Variants in COL27A1 observed in about 807,000 individuals in gnomAD.
COL27A1 encodes the protein collagen type XXVII alpha 1 chain.
In COL27A1, 106 loss-of-function variants were observed where a neutral mutation model predicts 251.3. That is an observed-to-expected ratio of 0.42 (90% CI 0.36 to 0.50). The LOEUF (loss-of-function observed/expected upper bound fraction) is 0.50. COL27A1 is among the 20% of genes least tolerant of loss of function. The pLI, the probability that COL27A1 is intolerant of heterozygous loss-of-function variation, is 0.00. For missense variants in COL27A1, 2,325 were observed against 2,522.8 expected, an observed-to-expected ratio of 0.92 and a Z score of 1.68; for synonymous variants, 1,000 against 986.3, an observed-to-expected ratio of 1.01 and a Z score of -0.26.
chr9:114,206,194 A>G, intron 9 of COL27A1, 58 bp from the exon 10 acceptor site: 5 of 1,560,740 alleles, frequency 3.2e-6, no homozygotes, highest in Non-Finnish European at 4.4e-6. Flanking sequence ...TTGCCCCAGG[A>G]TTGGCAGCAG....
chr9:114,203,807 G>C (rs1448297869), intron 7 of COL27A1, among the ~76,000 whole-genome samples: 1 of 152,166 alleles, frequency 6.6e-6, no homozygotes, highest in Admixed American at 6.5e-5. Flanking sequence ...GTCTGGAGAT[G>C]TTTGCAAGAT....
intron 24 of COL27A1, 130 bp from the exon 25 acceptor site, chr9:114,250,484 CA>C: frequency 1.3e-6 from 1 of 779,208 alleles, no homozygotes; most frequent in Non-Finnish European, 2.2e-6. Context: ...CTCCCCGGCA[CA>C]ACCCCATGCT....
At chr9:114,304,768 G>A in intron 57 of COL27A1, 95 bp downstream of exon 57, 14 of 1,053,688 alleles carry the variant, frequency 1.3e-5, no homozygotes, top group Non-Finnish European at 1.9e-5. Context: ...CATGTGGCCT[G>A]CATGGAGCAT....
In COL27A1 at chr9:114,168,029, C is replaced by A. The variant is rs754848059; in HGVS notation, c.474C>A (p.His158Gln). Residue 158 changes from histidine (H) to glutamine (Q), a missense_variant, in exon 3 of 61, where the codon CAC becomes CAA. Coordinates refer to ENST00000356083, the MANE Select transcript of COL27A1 (RefSeq NM_032888.4). Reference protein sequence around the residue: ...DLDMHDGRWHHLALELRGRTV... With the variant: ...DLDMHDGRWHQLALELRGRTV... ...ACATGCACGACGGGCGCTGGCACCA[C>A]CTGGCCCTCGAGCTCCGAGGCCGCA... The A allele has an allele frequency of 4.4e-6, 7 of 1,605,392 alleles. No individual in the cohort carries two copies. Among genetic ancestry groups the A allele is most frequent in the Non-Finnish European group, 5.1e-6 (6 of 1,179,732 alleles).
chr9:114,298,156 A>G (rs1828380974), intron 49 of COL27A1, among the ~76,000 whole-genome samples: 1 of 151,478 alleles, frequency 6.6e-6, no homozygotes, highest in African/African-American at 2.4e-5. Context: ...AAAAAGTACA[A>G]GATATGTTCA....
chr9:114,259,784 T>C (rs1034439415), intron 28 of COL27A1, among the ~76,000 whole-genome samples: 1 of 151,908 alleles, frequency 6.6e-6, no homozygotes, highest in Non-Finnish European at 1.5e-5. Context: ...AAAGAGAAAG[T>C]GAGATGGTGC....
At chr9:114,252,560 C>T (rs763008693) in intron 25 of COL27A1, 33 bp from the exon 26 acceptor site, 18 of 1,605,674 alleles carry the variant, frequency 1.1e-5, no homozygotes, top group East Asian at 2.2e-5. Flanking sequence ...CAGCCATAGC[C>T]GTGACCTGCC....
chr9:114,288,125 G>A lies in COL27A1; in HGVS notation c.3988-330G>A, dbSNP rs145875344. On this transcript the variant is annotated intron_variant, in intron 41 of 60. Transcript: ENST00000356083. The stretch of plus-strand genomic sequence containing the variant: ...ATTCCCCAGCAGAGGAGAGAGCTCC[G>A]AGACAGGAAGGGAAGTGTTGCAGGC... Among the ~76,000 whole-genome samples, 16 of 152,262 alleles carry A rather than the reference G, an allele frequency of 1.1e-4. No homozygotes were observed. In the East Asian group the frequency reaches 1.9e-3, roughly 18 times the overall value.
intron 59 of COL27A1, 90 bp from the exon 60 acceptor site, chr9:114,309,170 C>A: frequency 9.6e-7 from 1 of 1,036,532 alleles, no homozygotes; most frequent in Non-Finnish European, 1.5e-6. Flanking sequence ...AGGGGCCTAT[C>A]CCTGTTCCCT....
intron 38 of COL27A1, 33 bp from the exon 39 acceptor site, chr9:114,282,424 C>A: frequency 6.2e-7 from 1 of 1,607,020 alleles, no homozygotes; most frequent in Non-Finnish European, 8.5e-7. Context: ...TCCTGTTGGG[C>A]CTGGTGACAG....
chr9:114,300,171 C>T lies in COL27A1; in HGVS notation c.4638+48C>T, dbSNP rs370585451. On this transcript the variant is annotated intron_variant, in intron 50 of 60. Coordinates refer to ENST00000356083, the MANE Select transcript of COL27A1 (RefSeq NM_032888.4). ...GTTCCTGTGGGGTCCCATCCATTCACCCCATTCATTCATTTATTCATTCAA... is the reference window on the plus strand; with the variant it reads ...GTTCCTGTGGGGTCCCATCCATTCATCCCATTCATTCATTTATTCATTCAA... 4.5e-4 allele frequency: 692 copies of T among 1,537,588 alleles called. 7 individuals carry two copies. Among genetic ancestry groups the T allele is most frequent in the Non-Finnish European group, 9.8e-5 (109 of 1,113,808 alleles).
intron 12 of COL27A1, among the ~76,000 whole-genome samples, chr9:114,211,988 T>C (rs1830399502): frequency 6.6e-6 from 1 of 152,184 alleles, no homozygotes; most frequent in Non-Finnish European, 1.5e-5. Context: ...GCCTGGAGCA[T>C]TCGAGAGTGC....
intron 8 of COL27A1, 33 bp downstream of exon 8, chr9:114,205,179 G>T: frequency 6.2e-7 from 1 of 1,600,852 alleles, no homozygotes; most frequent in East Asian, 2.2e-5. Flanking sequence ...TGCCCTGGTC[G>T]CTCTCCCTCC....
intron 3 of COL27A1, among the ~76,000 whole-genome samples, chr9:114,171,794 C>G (rs1036374573): frequency 6.6e-6 from 1 of 152,214 alleles, no homozygotes; most frequent in African/African-American, 2.4e-5. Context: ...GATAACCCAT[C>G]AAGTTTATGA....
At position 114,159,521 on chromosome 9, in the gene COL27A1, G is replaced by T. The variant is rs75506800; in HGVS notation, c.63-3194G>T. The stretch of plus-strand genomic sequence containing the variant: ...AGATGGAACAGAAATAAATGGGATC[G>T]CAGGAACACAGGAAGGCAAGGGGTA... On this transcript the variant is annotated intron_variant, in intron 1 of 60. Transcript: ENST00000356083. Among the ~76,000 whole-genome samples, 20 of 152,314 alleles carry T rather than the reference G, an allele frequency of 1.3e-4. No individual in the cohort carries two copies. The East Asian group carries it at 3.7e-3, about 28-fold the overall frequency.
chr9:114,263,124 A>C (rs1281890568), intron 28 of COL27A1, among the ~76,000 whole-genome samples: 2 of 152,018 alleles, frequency 1.3e-5, no homozygotes, highest in South Asian at 4.2e-4. Flanking sequence ...TTTATAGTAG[A>C]GATGGGGTTT....
At chr9:114,300,874 A>C (rs1588894825) in intron 51 of COL27A1, among the ~76,000 whole-genome samples, 187 bp downstream of exon 51, 1 of 149,704 alleles carries the variant, frequency 6.7e-6, no homozygotes, top group African/African-American at 2.5e-5. Flanking sequence ...CCCCGCTTTC[A>C]CTCTTGCCCC....
At chr9:114,250,091 T>G (rs992548046) in intron 24 of COL27A1, among the ~76,000 whole-genome samples, 1 of 152,172 alleles carries the variant, frequency 6.6e-6, no homozygotes, top group Non-Finnish European at 1.5e-5. Flanking sequence ...GCAGCGTGTG[T>G]CTGTGTGTGC....
Position 114,250,620 on chromosome 9 carries a change from T to C in COL27A1, c.2985T>C (p.Phe995=), listed in dbSNP as rs1253858433. The stretch of plus-strand genomic sequence containing the variant: ...TTCGGGAATGTGTCTCATAGGGATT[T>C]ATGGGATTCATTGGTCTGGTCGGGG... The part of the protein sequence containing the change: ...GRPGPVGEQG[F]MGFIGLVGEP... The change falls in exon 25 of 61, where the codon TTT becomes TTC. Residue 995 remains phenylalanine (F), a synonymous_variant. Transcript: ENST00000356083. The C allele has an allele frequency of 3.1e-6, 5 of 1,611,840 alleles. No individual in the cohort carries two copies. The highest frequency in any genetic ancestry group is 4.2e-6 in the Non-Finnish European group (5 of 1,178,140).
Sources: allele counts gnomAD v4.1 joint callset (sites outside exome capture counted in the v4.1 genomes callset), GRCh38; gene constraint gnomAD v4.1.1; transcripts MANE v1.5; gene names NCBI Gene and HGNC (gene_info 2026-07-23, HGNC 2026-07-21).